The following SEMA5A variants were observed in gnomAD, a reference collection of about 807,000 sequenced individuals.
SEMA5A encodes the protein semaphorin 5A.
In SEMA5A, 55 loss-of-function variants were observed where a neutral mutation model predicts 135.5. That is an observed-to-expected ratio of 0.41 (90% CI 0.33 to 0.51). SEMA5A has a LOEUF of 0.51. Among genes scored for constraint, SEMA5A ranks in the 20% least tolerant of loss-of-function variants. The pLI is 0.37. For synonymous variants in SEMA5A, 580 were observed against 546.5 expected (o/e 1.06, Z -0.85); for missense variants, 1,290 against 1,419.9 (o/e 0.91, Z 1.47).
At chr5:9,106,255 GTGGT>G (rs1380042503) in intron 16 of SEMA5A, among the ~76,000 whole-genome samples, 1 of 152,198 alleles carries the variant, frequency 6.6e-6, no homozygotes, top group Non-Finnish European at 1.5e-5. Flanking sequence ...TTTGAAAGCA[GTGGT>G]TACATTTGTT....
chr5:9,246,006 C>G lies in SEMA5A; in HGVS notation c.271-8116G>C, dbSNP rs1172626942. 3.9e-5 allele frequency among the ~76,000 whole-genome samples: 6 copies of G among 152,196 alleles called. No individual in the cohort carries two copies. The East Asian group carries it at 1.2e-3, about 29-fold the overall frequency. ...GAACATTAGAGAGAGAGAAGAAAAACAGTATCAAGGACATTATAATATCTG... is the reference window on the plus strand; with the variant it reads ...GAACATTAGAGAGAGAGAAGAAAAAGAGTATCAAGGACATTATAATATCTG... On this transcript the variant is annotated intron_variant, in intron 5 of 22. Transcript: ENST00000382496.
At chr5:9,438,511 A>T (rs1019389588) in intron 1 of SEMA5A, among the ~76,000 whole-genome samples, 3 of 152,174 alleles carry the variant, frequency 2.0e-5, no homozygotes, top group African/African-American at 7.2e-5. Flanking sequence ...TGACCACGAA[A>T]CGCCAGCCTC....
Position 9,044,581 on chromosome 5 carries a change from A to AACTCTAGGGAGACATGAGCAAAG in SEMA5A, c.2894-20_2896dup (p.Phe966SerfsTer7). On this transcript the variant is annotated stop_gained and frameshift_variant, in exon 22 of 23. Coordinates refer to ENST00000382496, the MANE Select transcript of SEMA5A (RefSeq NM_003966.3). LOFTEE classifies it high-confidence loss of function. ...CACGGCGATCATGTGGAACATGTTG[A>AACTCTAGGGAGACATGAGCAAAG]ACTCTAGGGAGACATGAGCAAAGTG... 1 of 1,613,804 alleles carries AACTCTAGGGAGACATGAGCAAAG rather than the reference A, an allele frequency of 6.2e-7. No individual in the cohort carries two copies. Among genetic ancestry groups the AACTCTAGGGAGACATGAGCAAAG allele is most frequent in the East Asian group, 2.2e-5 (1 of 44,872 alleles).
At chr5:9,211,067 G>T (rs560205564) in intron 8 of SEMA5A, among the ~76,000 whole-genome samples, 2 of 152,292 alleles carry the variant, frequency 1.3e-5, no homozygotes, top group Non-Finnish European at 2.9e-5. Flanking sequence ...GCTTGATCAG[G>T]CCTGAATATT....
intron 16 of SEMA5A, among the ~76,000 whole-genome samples, chr5:9,086,089 C>G (rs1160975238): frequency 6.6e-6 from 1 of 152,148 alleles, no homozygotes; most frequent in African/African-American, 2.4e-5. Context: ...TCAAATGTAT[C>G]TAGGAAGCAA....
In SEMA5A at chr5:9,224,904, G is replaced by A; in HGVS notation, c.433-17C>T. The A allele has an allele frequency of 1.2e-6, 2 of 1,606,106 alleles. No individual in the cohort carries two copies. Among genetic ancestry groups the A allele is most frequent in the Non-Finnish European group, 1.7e-6 (2 of 1,174,968 alleles). On this transcript the variant is annotated splice_polypyrimidine_tract_variant and intron_variant, in intron 7 of 22. Coordinates refer to ENST00000382496, the MANE Select transcript of SEMA5A (RefSeq NM_003966.3). ...GTTGCTCAACTGTGGGGGAGGATGA[G>A]AGGGAAAGCAGTTATCTCTGCACAA...
intron 3 of SEMA5A, among the ~76,000 whole-genome samples, chr5:9,354,688 G>A (rs912230869): frequency 2.0e-5 from 3 of 152,128 alleles, no homozygotes; most frequent in African/African-American, 4.8e-5. Flanking sequence ...TCCGAATGAG[G>A]GAGGCAGAAT....
At position 9,353,354 on chromosome 5, in the gene SEMA5A, G is replaced by GGAAAGGAAAGGAAATGGAAGGA. The variant is rs1754288041; in HGVS notation, c.125-15543_125-15542insTCCTTCCATTTCCTTTCCTTTC. Among the ~76,000 whole-genome samples the GGAAAGGAAAGGAAATGGAAGGA allele has an allele frequency of 5.5e-5, 3 of 54,366 alleles. 1 individual carries two copies. The highest frequency in any genetic ancestry group is 1.1e-4 in the Non-Finnish European group (3 of 27,554). The allele number at this position is 54,366 out of a possible 152,430, so 35.7% of individuals were successfully genotyped here. ...AAAGGAAATGAAAGGAAAGGAAAGG[G>GGAAAGGAAAGGAAATGGAAGGA]AAGGAAAGGAAAGGAAAGGAAAGGA... On this transcript the variant is annotated intron_variant, in intron 3 of 22. Transcript: ENST00000382496.
At chr5:9,452,276 C>A (rs1014477197) in intron 1 of SEMA5A, among the ~76,000 whole-genome samples, 1 of 152,168 alleles carries the variant, frequency 6.6e-6, no homozygotes, top group Admixed American at 6.5e-5. Flanking sequence ...CCAGAGGGAG[C>A]CCCCTTCTCC....
chr5:9,099,132 A>G (rs1739483833), intron 16 of SEMA5A, among the ~76,000 whole-genome samples: 1 of 152,070 alleles, frequency 6.6e-6, no homozygotes, highest in Middle Eastern at 3.2e-3. Context: ...ATTAATTCCT[A>G]TAATCCATCA....
intron 11 of SEMA5A, among the ~76,000 whole-genome samples, chr5:9,171,039 A>G (rs748482643): frequency 3.9e-5 from 6 of 152,166 alleles, no homozygotes; most frequent in Non-Finnish European, 5.9e-5. Context: ...ATCCTCCTGA[A>G]AGAAACAGAA....
intron 5 of SEMA5A, among the ~76,000 whole-genome samples, chr5:9,301,940 A>G (rs1298771797): frequency 6.6e-6 from 1 of 151,994 alleles, no homozygotes; most frequent in African/African-American, 2.4e-5. Flanking sequence ...TAGCAGAGCT[A>G]TGCTCCCCTA....
intron 2 of SEMA5A, among the ~76,000 whole-genome samples, chr5:9,436,606 T>TA (rs1758040859): frequency 6.6e-6 from 1 of 152,178 alleles, no homozygotes; most frequent in African/African-American, 2.4e-5. Flanking sequence ...CTGGATTATC[T>TA]AAAATCAGCA....
intron 1 of SEMA5A, among the ~76,000 whole-genome samples, chr5:9,467,402 G>A (rs112059597): frequency 3.9e-5 from 6 of 152,072 alleles, no homozygotes; most frequent in Non-Finnish European, 8.8e-5. Context: ...GTGAGCCACC[G>A]CGCCCGGCTG....
rs940953176 is a variant in SEMA5A, at chr5:9,457,727, C to T, written c.-174-19875G>A. On this transcript the variant is annotated intron_variant, in intron 1 of 22. Coordinates refer to ENST00000382496, the MANE Select transcript of SEMA5A (RefSeq NM_003966.3). Reference sequence around the variant, plus strand: ...TATTTTACAACTGTAAGGATTCATCCTATTGCTATTAGGAAGGTTTTTTTC... The same window carrying T: ...TATTTTACAACTGTAAGGATTCATCTTATTGCTATTAGGAAGGTTTTTTTC... 2.0e-5 allele frequency among the ~76,000 whole-genome samples: 3 copies of T among 151,978 alleles called. No individual in the cohort carries two copies. The South Asian group carries it at 6.2e-4, about 31-fold the overall frequency.
At chr5:9,216,776 G>C (rs538430298) in intron 8 of SEMA5A, among the ~76,000 whole-genome samples, 1 of 152,306 alleles carries the variant, frequency 6.6e-6, no homozygotes, top group African/African-American at 2.4e-5. Flanking sequence ...TTTGAAGTCA[G>C]TTTTGTCTGA....
chr5:9,123,020 C>T lies in SEMA5A; in HGVS notation c.1600-183G>A, dbSNP rs558528089. On this transcript the variant is annotated intron_variant, in intron 13 of 22. Transcript: ENST00000382496. ...CCTGCATCCCAGCACTTCAGGAGGC[C>T]GAGACGGGCAGATCACGAGGTCAGA... 2.3e-4 allele frequency among the ~76,000 whole-genome samples: 35 copies of T among 151,858 alleles called. 1 individual carries two copies. The East Asian group carries it at 6.4e-3, about 28-fold the overall frequency.
chr5:9,044,634 C>A (rs1372027384), intron 21 of SEMA5A, 50 bp from the exon 22 acceptor site: 1 of 1,483,696 alleles, frequency 6.7e-7, no homozygotes, highest in South Asian at 1.1e-5. Context: ...AACATCCTGC[C>A]TAGCTACTCA....
At chr5:9,486,980 T>C (rs1282319616) in intron 1 of SEMA5A, among the ~76,000 whole-genome samples, 4 of 151,072 alleles carry the variant, frequency 2.6e-5, no homozygotes, top group African/African-American at 9.7e-5. Context: ...TTTCTAGATA[T>C]GCAAAAATTC....
Sources: allele counts gnomAD v4.1 joint callset (sites outside exome capture counted in the v4.1 genomes callset), GRCh38; gene constraint gnomAD v4.1.1; transcripts MANE v1.5; gene names NCBI Gene and HGNC (gene_info 2026-07-23, HGNC 2026-07-21).